Variants in CYRIB observed in about 807,000 individuals in gnomAD.
The protein encoded by CYRIB is CYFIP related Rac1 interactor B.
CYRIB carries 8 observed loss-of-function variants against 44.2 expected under a neutral mutation model. The ratio of observed to expected loss-of-function variants is 0.18; its 90% confidence interval spans 0.11 to 0.33. The LOEUF is 0.33. Among genes scored for constraint, CYRIB ranks in the 10% least tolerant of loss-of-function variants. The pLI is 1.00. For missense variants in CYRIB, 185 were observed against 382.8 expected, an observed-to-expected ratio of 0.48 and a Z score of 4.31; for synonymous variants, 131 against 127.2, an observed-to-expected ratio of 1.03 and a Z score of -0.20.
At chr8:129,846,760 C>G in intron 11 of CYRIB, 44 bp downstream of exon 13, 1 of 1,362,670 alleles carries the variant, frequency 7.3e-7, no homozygotes, top group Non-Finnish European at 1.0e-6. Flanking sequence ...GACCATTTTC[C>G]TTACAGATTT....
chr8:129,994,323 C>T (rs1179197477), intron 1 of CYRIB, among the ~76,000 whole-genome samples: 2 of 152,166 alleles, frequency 1.3e-5, no homozygotes, highest in African/African-American at 4.8e-5. Context: ...GGGAACCAAC[C>T]CTCCCGGCAC....
At chr8:129,985,971 C>G (rs1399309825) in intron 1 of CYRIB, among the ~76,000 whole-genome samples, 2 of 152,170 alleles carry the variant, frequency 1.3e-5, no homozygotes, top group African/African-American at 4.8e-5. Flanking sequence ...TCCACACAGG[C>G]TGGGAAGTAG....
intron 1 of CYRIB, among the ~76,000 whole-genome samples, chr8:130,010,739 G>A (rs1024682230): frequency 2.6e-5 from 4 of 152,090 alleles, no homozygotes; most frequent in African/African-American, 9.7e-5. Context: ...AGCTAACTTG[G>A]AAACCTCCAG....
At chr8:129,959,822 T>A (rs1441385447) in intron 2 of CYRIB, among the ~76,000 whole-genome samples, 3 of 151,996 alleles carry the variant, frequency 2.0e-5, no homozygotes, top group Non-Finnish European at 1.5e-5. Flanking sequence ...CACAATTAAT[T>A]GAAAGATGAA....
intron 2 of CYRIB, among the ~76,000 whole-genome samples, chr8:129,880,093 G>A (rs1344500654): frequency 6.6e-6 from 1 of 152,146 alleles, no homozygotes; most frequent in Non-Finnish European, 1.5e-5. Context: ...GTTTGACATA[G>A]TCACTAAAGC....
intron 4 of CYRIB, among the ~76,000 whole-genome samples, chr8:129,870,509 T>C (rs2056722603): frequency 6.6e-6 from 1 of 152,244 alleles, no homozygotes; most frequent in African/African-American, 2.4e-5. Flanking sequence ...CACCTTCTGG[T>C]GTCTGCACTT....
chr8:129,877,557 G>A (rs1402206906), intron 3 of CYRIB, among the ~76,000 whole-genome samples: 1 of 151,978 alleles, frequency 6.6e-6, no homozygotes, highest in Non-Finnish European at 1.5e-5. Flanking sequence ...GCTGAGGTGG[G>A]AGGATCCCTT....
intron 2 of CYRIB, among the ~76,000 whole-genome samples, chr8:129,946,883 T>C (rs1368682614): frequency 6.6e-6 from 1 of 152,120 alleles, no homozygotes; most frequent in Non-Finnish European, 1.5e-5. Context: ...CTTTCCAGTC[T>C]CTTCACTTGG....
In CYRIB at chr8:129,962,028, T is replaced by C. The variant is rs1282769452; in HGVS notation, c.-243+8915A>G. On this transcript the variant is annotated intron_variant, in intron 2 of 14. Coordinates refer to the CYRIB transcript ENST00000401979. ...ACTTTGGGAGGCCGAGGTGGGAGGA[T>C]GGCTTGAGCCCAAGAGTTCAAGACC... is the stretch of plus-strand genomic sequence containing the variant. Among the ~76,000 whole-genome samples, 3 of 152,146 alleles carry C rather than the reference T, an allele frequency of 2.0e-5. No individual in the cohort carries two copies. The South Asian group carries it at 6.2e-4, about 32-fold the overall frequency.
At chr8:130,001,590 G>A (rs529749414) in intron 1 of CYRIB, among the ~76,000 whole-genome samples, 2 of 145,420 alleles carry the variant, frequency 1.4e-5, no homozygotes, top group Non-Finnish European at 3.0e-5. Context: ...GTGCAATGGC[G>A]CAATCTTGGT....
chr8:129,955,211 C>CAT (rs2094738458), intron 2 of CYRIB, among the ~76,000 whole-genome samples: 1 of 148,976 alleles, frequency 6.7e-6, no homozygotes, highest in African/African-American at 2.5e-5. Flanking sequence ...CAAGATCGTG[C>CAT]CACTGCACTC....
chr8:129,969,050 G>A (rs1242759167), intron 2 of CYRIB, among the ~76,000 whole-genome samples: 2 of 67,500 alleles, frequency 3.0e-5, no homozygotes, highest in Non-Finnish European at 5.2e-5. Flanking sequence ...TTCTTGCTCT[G>A]TCGCCCAGGC....
intron 1 of CYRIB, among the ~76,000 whole-genome samples, chr8:129,985,226 G>C (rs1191164663): frequency 6.6e-6 from 1 of 152,220 alleles, no homozygotes; most frequent in African/African-American, 2.4e-5. Flanking sequence ...TTGTGGTGAG[G>C]ATTATTAGGT....
chr8:129,943,091 C>CCCCCCCACCCG (rs2093849004), upstream of CYRIB, among the ~76,000 whole-genome samples: 61 of 132,592 alleles, frequency 4.6e-4, no homozygotes, highest in African/African-American at 1.0e-3. Flanking sequence ...CGCCCACCCG[C>CCCCCCCACCCG]CCCCCCGCAC....
chr8:129,938,128 A>T (rs1223656279), intron 1 of CYRIB, among the ~76,000 whole-genome samples: 1 of 152,206 alleles, frequency 6.6e-6, no homozygotes, highest in African/African-American at 2.4e-5. Flanking sequence ...ACATGAAAAA[A>T]AAAAGTGCTG....
chr8:129,923,830 T>G (rs763350159), intron 1 of CYRIB, among the ~76,000 whole-genome samples: 3 of 150,322 alleles, frequency 2.0e-5, no homozygotes, highest in African/African-American at 7.4e-5. Context: ...AGGGAATATT[T>G]GCTTTAAGGA....
At chr8:129,920,957 A>G (rs989061369) in intron 1 of CYRIB, among the ~76,000 whole-genome samples, 7 of 152,210 alleles carry the variant, frequency 4.6e-5, no homozygotes, top group Admixed American at 4.6e-4. Flanking sequence ...TAACAGAAAA[A>G]ATATTAAAGT....
intron 1 of CYRIB, among the ~76,000 whole-genome samples, chr8:129,919,267 CAT>C (rs777240061): frequency 3.3e-5 from 5 of 152,124 alleles, no homozygotes; most frequent in Non-Finnish European, 7.3e-5. Flanking sequence ...TATGTGGTAA[CAT>C]ATATTACCGC....
At chr8:130,014,294 G>A (rs940995833) in intron 1 of CYRIB, among the ~76,000 whole-genome samples, 36 of 152,284 alleles carry the variant, frequency 2.4e-4, no homozygotes, top group African/African-American at 7.9e-4. Flanking sequence ...GTTGGGCATG[G>A]TGGTGCACAC....
Sources: allele counts gnomAD v4.1 joint callset (sites outside exome capture counted in the v4.1 genomes callset), GRCh38; gene constraint gnomAD v4.1.1; transcripts MANE v1.5; gene names NCBI Gene and HGNC (gene_info 2026-07-23, HGNC 2026-07-21).